The following BST1 variants were observed in gnomAD, a reference collection of about 807,000 sequenced individuals.
BST1 encodes bone marrow stromal cell antigen 1.
Under a neutral mutation model 40.6 loss-of-function variants are expected in BST1, and 49 were observed. That is an observed-to-expected ratio of 1.21 (90% CI 0.96 to 1.53). BST1 has a LOEUF of 1.53. Ranked by LOEUF, BST1 falls within the 40% of genes most tolerant of loss-of-function variation. The pLI is 0.00. For missense variants in BST1, 423 were observed against 395.9 expected, an observed-to-expected ratio of 1.07 and a Z score of -0.58; for synonymous variants, 157 against 159.3, an observed-to-expected ratio of 0.99 and a Z score of 0.11.
intron 7 of BST1, 21 bp downstream of exon 7, chr4:15,719,014 T>C: frequency 6.2e-7 from 1 of 1,605,128 alleles, no homozygotes; most frequent in Non-Finnish European, 8.5e-7. Flanking sequence ...TATATATCAA[T>C]GTGCTCTTGT....
At chr4:15,726,335 T>TGGATGAATAGATGAATGAAC (rs1318945552) in intron 8 of BST1, among the ~76,000 whole-genome samples, 1 of 150,004 alleles carries the variant, frequency 6.7e-6, no homozygotes, top group South Asian at 2.1e-4. Flanking sequence ...AATGAATGAA[T>TGGATGAATAGATGAATGAAC]GGATGAATAG....
chr4:15,765,783 C>T, the BST1 span, among the ~76,000 whole-genome samples: 3 of 151,926 alleles, frequency 2.0e-5, no homozygotes, highest in African/African-American at 7.3e-5. Context: ...TGGTCCTTTA[C>T]CCAAAATTGC....
At chr4:15,750,326 G>C in the BST1 span, among the ~76,000 whole-genome samples, 1 of 152,106 alleles carries the variant, frequency 6.6e-6, no homozygotes, top group Non-Finnish European at 1.5e-5. Flanking sequence ...TGCCTGGCAT[G>C]GTTTGAATTT....
At chr4:15,730,630 G>T (rs544672571) in intron 8 of BST1, among the ~76,000 whole-genome samples, 4 of 152,338 alleles carry the variant, frequency 2.6e-5, no homozygotes, top group Non-Finnish European at 4.4e-5. Context: ...AGGATAATTT[G>T]CAGGGCAGCA....
At chr4:15,710,027 C>A (rs964025754) in intron 3 of BST1, among the ~76,000 whole-genome samples, 2 of 152,052 alleles carry the variant, frequency 1.3e-5, no homozygotes, top group Non-Finnish European at 2.9e-5. Context: ...GGCTGTAATG[C>A]AGTGGTGTGA....
At chr4:15,768,677 T>G in the BST1 span, among the ~76,000 whole-genome samples, 1 of 151,706 alleles carries the variant, frequency 6.6e-6, no homozygotes, top group African/African-American at 2.4e-5. Flanking sequence ...TTTGTATTTT[T>G]AGTAGAGATG....
At chr4:15,743,422 T>TC in the BST1 span, 1 of 266,350 alleles carries the variant, frequency 3.8e-6, no homozygotes, top group African/African-American at 2.3e-5. Flanking sequence ...TGTTTATTCT[T>TC]CAATCCAAGG....
downstream of BST1, among the ~76,000 whole-genome samples, chr4:15,739,589 GTGTGTA>G (rs1444245874): frequency 6.2e-3 from 908 of 145,550 alleles, 8 homozygotes; most frequent in African/African-American, 0.022. Context: ...GTGTGTGTGT[GTGTGTA>G]TTTCTCCCCT....
rs769715251 is a variant in BST1 at position 15,715,812 on chromosome 4, GAT to G, written c.704+16_704+17del. On this transcript the variant is annotated intron_variant, in intron 6 of 8. Transcript: ENST00000265016. Reference sequence around the variant, plus strand: ...GGGGACCCAATGTGTAAGTTATGGTGATATTGATGATGATAATTGCACAAGTT... The same window carrying G: ...GGGGACCCAATGTGTAAGTTATGGTGATTGATGATGATAATTGCACAAGTT... 2 of 1,513,778 alleles carry G rather than the reference GAT, an allele frequency of 1.3e-6. No individual in the cohort carries two copies. The highest frequency in any genetic ancestry group is 1.4e-5 in the African/African-American group (1 of 70,754). 93.8% of individuals were successfully genotyped at this position (1,513,778 alleles called of 1,614,324 possible).
At chr4:15,704,746 C>T (rs1321774155) in intron 1 of BST1, among the ~76,000 whole-genome samples, 1 of 152,076 alleles carries the variant, frequency 6.6e-6, no homozygotes, top group East Asian at 1.9e-4. Context: ...TCCTTGAGTC[C>T]AGTCCTTCCA....
At chr4:15,745,614 A>G in the BST1 span, among the ~76,000 whole-genome samples, 1,719 of 152,292 alleles carry the variant, frequency 0.011, 37 homozygotes, top group African/African-American at 0.039. Context: ...TCTGAGTTAC[A>G]TGACTAACGG....
chr4:15,772,779 C>G, the BST1 span, among the ~76,000 whole-genome samples: 1 of 152,180 alleles, frequency 6.6e-6, no homozygotes, highest in African/African-American at 2.4e-5. Context: ...TAGGAGTCAG[C>G]AGGGTGAGGG....
the BST1 span, among the ~76,000 whole-genome samples, chr4:15,766,895 G>A: frequency 1.4e-3 from 212 of 151,590 alleles, 4 homozygotes; most frequent in East Asian, 0.028. Context: ...GAAGAAAAGG[G>A]GAGAACAATC....
chr4:15,753,762 GA>G, the BST1 span, among the ~76,000 whole-genome samples: 1 of 152,362 alleles, frequency 6.6e-6, no homozygotes, highest in Non-Finnish European at 1.5e-5. Flanking sequence ...CTCAAATCAG[GA>G]AAATCGGAGG....
At chr4:15,749,233 T>G in the BST1 span, among the ~76,000 whole-genome samples, 7 of 152,176 alleles carry the variant, frequency 4.6e-5, no homozygotes, top group African/African-American at 1.4e-4. Context: ...GAGAAGGCTC[T>G]CAGGCAGTCA....
At chr4:15,722,564 T>A (rs1720863235) in intron 7 of BST1, among the ~76,000 whole-genome samples, 1 of 151,842 alleles carries the variant, frequency 6.6e-6, no homozygotes. Context: ...ACTATAGGCA[T>A]GAGCGTCTGC....
At chr4:15,769,060 A>T in the BST1 span, among the ~76,000 whole-genome samples, 2 of 152,148 alleles carry the variant, frequency 1.3e-5, no homozygotes. Context: ...CGATGTTAGC[A>T]ATTATTGTTG....
chr4:15,758,748 G>T, the BST1 span, among the ~76,000 whole-genome samples: 2 of 152,140 alleles, frequency 1.3e-5, no homozygotes, highest in African/African-American at 4.8e-5. Flanking sequence ...CTGGTTCTAC[G>T]AGTTTGATTG....
rs1031815344 is a variant in BST1 at position 15,732,602 on chromosome 4, G to A, written c.*757G>A. 5.3e-5 allele frequency: 8 copies of A among 152,162 alleles called. No individual in the cohort carries two copies. Among genetic ancestry groups the A allele is most frequent in the Non-Finnish European group, 7.3e-5 (5 of 68,032 alleles). The allele number at this position is 152,162 out of a possible 1,614,324, so 9.4% of individuals were successfully genotyped here. On this transcript the variant is annotated 3_prime_UTR_variant, in exon 9 of 9. Coordinates refer to ENST00000265016, the MANE Select transcript of BST1 (RefSeq NM_004334.3). Reference sequence around the variant, plus strand: ...CAAAGTGCTAGGATTACAGGCGTGAGCCACCACATCCAGCCATAATAGTTA... The same window carrying A: ...CAAAGTGCTAGGATTACAGGCGTGAACCACCACATCCAGCCATAATAGTTA...
Sources: allele counts gnomAD v4.1 joint callset (sites outside exome capture counted in the v4.1 genomes callset), GRCh38; gene constraint gnomAD v4.1.1; transcripts MANE v1.5; gene names NCBI Gene and HGNC (gene_info 2026-07-23, HGNC 2026-07-21).